Variants in MTMR1 observed in about 807,000 individuals in gnomAD.
The protein encoded by MTMR1 is phosphatidylinositol-3-phosphate phosphatase MTMR1.
In MTMR1, 17 loss-of-function variants were observed where a neutral mutation model predicts 51.6. That is an observed-to-expected ratio of 0.33 (90% confidence interval 0.23 to 0.49). The LOEUF (loss-of-function observed/expected upper bound fraction) is 0.49, where lower values mean the gene tolerates loss of function less well. Ranked by LOEUF, MTMR1 falls within the 20% of genes least tolerant of loss-of-function variation. The pLI is 0.99. For missense variants in MTMR1, 386 were observed against 526.9 expected (o/e 0.73, Z 2.62); for synonymous variants, 201 against 205.6 (o/e 0.98, Z 0.19).
In MTMR1 at chrX:150,700,619, C is replaced by T. The variant is rs782069812; in HGVS notation, c.252+1319C>T. Among the ~76,000 whole-genome samples the T allele has an allele frequency of 1.1e-4, 12 of 112,794 alleles. No individual in the cohort carries two copies. In the South Asian group the frequency reaches 4.3e-3, roughly 41 times the overall value. On this transcript the variant is annotated intron_variant, in intron 2 of 15. Coordinates refer to ENST00000445323, the MANE Select transcript of MTMR1 (RefSeq NM_001306144.3). ...AGAAGCATTTGCTGCATCACTGATG[C>T]GTGAATGGCTGGTCACTGAGCAGCT... is the stretch of plus-strand genomic sequence containing the variant.
intron 12 of MTMR1, 99 bp downstream of exon 12, chrX:150,737,547 C>T (rs781966746): frequency 3.6e-5 from 24 of 662,099 alleles, no homozygotes; most frequent in Middle Eastern, 3.3e-4. Flanking sequence ...TACACACACA[C>T]GTGCAGGCTT....
chrX:150,760,148 C>T (rs925329693), intron 15 of MTMR1, among the ~76,000 whole-genome samples: 4 of 108,828 alleles, frequency 3.7e-5, no homozygotes, highest in East Asian at 2.8e-4. Flanking sequence ...GTACATGGGC[C>T]GCAGCTTGTT....
At chrX:150,736,870 T>G in intron 11 of MTMR1, 90 bp downstream of exon 11, 4 of 877,119 alleles carry the variant, frequency 4.6e-6, no homozygotes, top group Non-Finnish European at 6.2e-6. Context: ...GCCTCTTGGC[T>G]GTGTGCATGA....
In MTMR1 at chrX:150,759,148, C is replaced by T. The variant is rs187128462; in HGVS notation, c.1857+3283C>T. ...CAGGTGCATTATTTGAGATGCTAAA[C>T]ACAGGGGCCCATCAAGCACTTCTTT... On this transcript the variant is annotated intron_variant, in intron 15 of 15. Transcript: ENST00000445323. Among the ~76,000 whole-genome samples the T allele has an allele frequency of 2.0e-4, 22 of 112,632 alleles. 1 individual carries two copies. The highest frequency in any genetic ancestry group is 3.7e-4 in the Non-Finnish European group (20 of 53,334).
At position 150,732,679 on chromosome X, in the gene MTMR1, C is replaced by T; in HGVS notation, c.1029C>T (p.His343=). 8.3e-7 allele frequency: 1 copy of T among 1,210,153 alleles called. No homozygotes were observed. The highest frequency in any genetic ancestry group is 1.1e-6 in the Non-Finnish European group (1 of 894,627). ...TAATGGATGCTAACGCACAGTCACA[C>T]AAGCTTATCATCTTTGATGCTCGAC... ...QTIMDANAQS[H]KLIIFDARQN... The change falls in exon 10 of 16, where the codon CAC becomes CAT. Residue 343 remains histidine, a synonymous_variant. Coordinates refer to ENST00000445323, the MANE Select transcript of MTMR1 (RefSeq NM_001306144.3).
At chrX:150,746,130 A>T (rs939197282) in intron 13 of MTMR1, among the ~76,000 whole-genome samples, 2 of 112,286 alleles carry the variant, frequency 1.8e-5, no homozygotes, top group African/African-American at 3.2e-5. Flanking sequence ...GGGAGCACAG[A>T]GACATACCTC....
At chrX:150,714,155 T>G (rs1557416314) in intron 3 of MTMR1, among the ~76,000 whole-genome samples, 2 of 112,387 alleles carry the variant, frequency 1.8e-5, no homozygotes, top group South Asian at 7.2e-4. Context: ...GTTTCTTTGC[T>G]ATATGCTGTC....
At chrX:150,715,224 A>G (rs1557416359) in intron 3 of MTMR1, among the ~76,000 whole-genome samples, 1 of 111,968 alleles carries the variant, frequency 8.9e-6, no homozygotes, top group African/African-American at 3.3e-5. Context: ...GCATGCAACC[A>G]TTATATAAAC....
At chrX:150,762,110 G>T (rs782404298) in intron 15 of MTMR1, among the ~76,000 whole-genome samples, 1 of 112,752 alleles carries the variant, frequency 8.9e-6, no homozygotes, top group African/African-American at 3.2e-5. Flanking sequence ...TTTAACAGAA[G>T]GATTTTCAGT....
intron 13 of MTMR1, 32 bp downstream of exon 13, chrX:150,744,485 C>A: frequency 9.2e-7 from 1 of 1,084,120 alleles, no homozygotes; most frequent in Non-Finnish European, 1.3e-6. Context: ...TCTATATAGT[C>A]TTTGCTTTAA....
chrX:150,713,920 C>T (rs1557416309), intron 3 of MTMR1, among the ~76,000 whole-genome samples: 1 of 101,813 alleles, frequency 9.8e-6, no homozygotes, highest in East Asian at 2.9e-4. Context: ...TGTGTATACA[C>T]ACACACACAC....
intron 2 of MTMR1, among the ~76,000 whole-genome samples, chrX:150,706,031 A>T (rs2041090125): frequency 9.0e-6 from 1 of 111,260 alleles, no homozygotes; most frequent in Non-Finnish European, 1.9e-5. Context: ...AAGAAAATAA[A>T]TTTTTTACTT....
At chrX:150,733,580 C>T (rs188481179) in intron 10 of MTMR1, among the ~76,000 whole-genome samples, 1 of 110,438 alleles carries the variant, frequency 9.1e-6, no homozygotes, top group African/African-American at 3.3e-5. Context: ...GTTGGTGAGA[C>T]CCCTTGGCTT....
intron 2 of MTMR1, among the ~76,000 whole-genome samples, chrX:150,705,395 C>T (rs1276464218): frequency 9.0e-6 from 1 of 111,586 alleles, no homozygotes; most frequent in Non-Finnish European, 1.9e-5. Flanking sequence ...TGAGAGAAAT[C>T]CCTTCAAATT....
intron 13 of MTMR1, among the ~76,000 whole-genome samples, chrX:150,749,763 C>A (rs189206276): frequency 8.9e-6 from 1 of 112,216 alleles, no homozygotes; most frequent in Admixed American, 9.4e-5. Context: ...GGCTTACATT[C>A]GTAAAGTAAA....
At chrX:150,744,275 G>GTGA in intron 12 of MTMR1, 86 bp from the exon 13 acceptor site, 1 of 709,983 alleles carries the variant, frequency 1.4e-6, no homozygotes, top group Non-Finnish European at 2.2e-6. Context: ...CTGATGAGAT[G>GTGA]TGATTCTTAC....
chrX:150,709,498 T>C (rs782050031), intron 2 of MTMR1, among the ~76,000 whole-genome samples: 1 of 112,299 alleles, frequency 8.9e-6, no homozygotes, highest in South Asian at 3.7e-4. Flanking sequence ...AACTCCCATA[T>C]ATGAGGTTTG....
intron 2 of MTMR1, among the ~76,000 whole-genome samples, chrX:150,706,615 G>A (rs1557416074): frequency 8.9e-6 from 1 of 112,055 alleles, no homozygotes; most frequent in African/African-American, 3.2e-5. Context: ...AATCAAAGAA[G>A]ATCTAAATTA....
At chrX:150,722,865 ATTATAC>A (rs201338245) in intron 4 of MTMR1, among the ~76,000 whole-genome samples, 3,265 of 108,647 alleles carry the variant, frequency 0.03, 129 homozygotes, top group African/African-American at 0.1. Flanking sequence ...TATTATTATT[ATTATAC>A]TTTAAGTTTT....
Sources: gnomAD v4.1 joint callset for allele counts (sites outside exome capture counted in the v4.1 genomes callset) on GRCh38, gnomAD v4.1.1 for gene constraint, MANE v1.5 for transcripts, NCBI Gene and HGNC (gene_info 2026-07-23, HGNC 2026-07-21) for gene names.